The following BID variants were observed in gnomAD, a reference collection of about 807,000 sequenced individuals.
The protein encoded by BID is BH3 interacting domain death agonist, also known as BH3-interacting domain death agonist.
A neutral mutation model predicts 17.4 loss-of-function variants in BID; 19 were observed. The ratio of observed to expected loss-of-function variants is 1.09; its 90% confidence interval spans 0.76 to 1.60. BID has a LOEUF of 1.60. Among genes scored for constraint, BID ranks in the 40% most tolerant of loss-of-function variants. The pLI is 0.00. For synonymous variants in BID, 108 were observed against 102.8 expected (o/e 1.05, Z -0.31); for missense variants, 226 against 256.0 (o/e 0.88, Z 0.80).
In BID at chr22:17,739,366, T is replaced by A; in HGVS notation, c.346A>T (p.Thr116Ser). The change falls in exon 4 of 6, where the codon ACC becomes TCC. Residue 116 changes from threonine (T) to serine (S), a missense_variant. Physicochemically the swap from Thr to Ser is moderately conservative, Grantham distance 58. Transcript: ENST00000622694. The part of the protein sequence containing the change: ...VNGLALQLRN[T>S]SRSEEDRNRD... The stretch of plus-strand genomic sequence containing the variant: ...TCACTCACCTCCTCCGACCGGCTGG[T>A]GTTCCTGAGCTGCAGGGCCAGGCCG... 6.3e-7 allele frequency: 1 copy of A among 1,594,014 alleles called. No individual in the cohort carries two copies. Among genetic ancestry groups the A allele is most frequent in the Non-Finnish European group, 8.5e-7 (1 of 1,172,976 alleles).
chr22:17,737,740 TGAG>T (rs2061430070), intron 5 of BID, among the ~76,000 whole-genome samples: 1 of 152,190 alleles, frequency 6.6e-6, no homozygotes, highest in Non-Finnish European at 1.5e-5. Context: ...GCTTGTGCCT[TGAG>T]GACCCCACCA....
At chr22:17,749,963 G>A (rs1389571646) in intron 2 of BID, 142 bp downstream of exon 2, 2 of 766,464 alleles carry the variant, frequency 2.6e-6, no homozygotes, top group East Asian at 5.4e-5. Context: ...AAGGGGCTGG[G>A]CGGGGTTCGT....
At position 17,767,040 on chromosome 22, in the gene BID, A is replaced by C. The variant is rs558118396; in HGVS notation, c.-59+7341T>G. 4.3e-4 allele frequency among the ~76,000 whole-genome samples: 66 copies of C among 152,116 alleles called. No individual in the cohort carries two copies. In the East Asian group the frequency reaches 0.011, roughly 25 times the overall value. On this transcript the variant is annotated intron_variant, in intron 1 of 5. Coordinates refer to ENST00000622694, the MANE Select transcript of BID (RefSeq NM_001196.4). Reference sequence around the variant, plus strand: ...GGAGTTCGAGACCAGCCTGGCCAACATGGTGAAACCCCATCTCTACTAAAA... The same window carrying C: ...GGAGTTCGAGACCAGCCTGGCCAACCTGGTGAAACCCCATCTCTACTAAAA...
chr22:17,740,015 C>T (rs2061447612), intron 3 of BID: 1 of 1,509,606 alleles, frequency 6.6e-7, no homozygotes, highest in South Asian at 1.2e-5. Context: ...CCAACCAGAG[C>T]TCTCCCCCTT....
At chr22:17,770,840 G>T (rs756162898) in intron 1 of BID, among the ~76,000 whole-genome samples, 1 of 152,190 alleles carries the variant, frequency 6.6e-6, no homozygotes, top group Non-Finnish European at 1.5e-5. Flanking sequence ...ATAGAAGCGG[G>T]CTGAGCCACA....
chr22:17,740,207 G>C, intron 3 of BID: 1 of 1,594,556 alleles, frequency 6.3e-7, no homozygotes, highest in East Asian at 2.2e-5. Context: ...TAAGGGCTGT[G>C]ATTTTTTTAA....
chr22:17,748,586 T>C (rs2061513436), intron 2 of BID, among the ~76,000 whole-genome samples: 1 of 152,182 alleles, frequency 6.6e-6, no homozygotes, highest in Non-Finnish European at 1.5e-5. Flanking sequence ...AACCCTATAA[T>C]TGAAAAGAAA....
At chr22:17,763,335 C>A (rs1417573559) in intron 1 of BID, among the ~76,000 whole-genome samples, 3 of 151,926 alleles carry the variant, frequency 2.0e-5, no homozygotes, top group African/African-American at 4.8e-5. Flanking sequence ...CCTTCGTCTC[C>A]TGGGTTCAAG....
chr22:17,738,622 A>T (rs570460456), intron 4 of BID, among the ~76,000 whole-genome samples: 1 of 152,126 alleles, frequency 6.6e-6, no homozygotes, highest in Non-Finnish European at 1.5e-5. Context: ...CACTAGACAG[A>T]CTACAAGGCT....
In BID at chr22:17,738,144, A is replaced by G; in HGVS notation, c.449T>C (p.Val150Ala). The G allele has an allele frequency of 6.2e-7, 1 of 1,613,948 alleles. No homozygotes were observed. Among genetic ancestry groups the G allele is most frequent in the Non-Finnish European group, 8.5e-7 (1 of 1,180,036 alleles). The change falls in exon 5 of 6, where the codon GTG (valine) becomes GCG (alanine). Residue 150 changes from valine to alanine, a missense_variant. Physicochemically the swap from Val to Ala is moderately conservative, Grantham distance 64. Coordinates refer to ENST00000622694, the MANE Select transcript of BID (RefSeq NM_001196.4). Reference protein sequence around the residue: ...RDMEKEKTMLVLALLLAKKVA... With the variant: ...RDMEKEKTMLALALLLAKKVA... ...CTTCTTGGCCAGCAGCAGGGCCAGCACCAGCATGGTCTTCTCCTTCTCCAT... is the reference window on the plus strand; with the variant it reads ...CTTCTTGGCCAGCAGCAGGGCCAGCGCCAGCATGGTCTTCTCCTTCTCCAT...
intron 1 of BID, among the ~76,000 whole-genome samples, chr22:17,763,320 T>C (rs186656124): frequency 1.8e-4 from 27 of 152,044 alleles, no homozygotes; most frequent in Non-Finnish European, 3.8e-4. Context: ...CTTGGCTCAC[T>C]GCAACCTTCG....
chr22:17,748,026 C>T (rs1350426697), intron 2 of BID, among the ~76,000 whole-genome samples: 1 of 151,092 alleles, frequency 6.6e-6, no homozygotes, highest in Non-Finnish European at 1.5e-5. Context: ...CTGGCTAACA[C>T]GGTGAAACCC....
At chr22:17,754,523 A>G (rs1296992149) in intron 1 of BID, among the ~76,000 whole-genome samples, 4 of 152,238 alleles carry the variant, frequency 2.6e-5, no homozygotes, top group Admixed American at 2.6e-4. Flanking sequence ...TGTGCCTCCC[A>G]TGCACTCTGG....
At position 17,738,300 on chromosome 22, in the gene BID, A is replaced by G. The variant is rs2061434512; in HGVS notation, c.364-71T>C. 4.2e-6 allele frequency: 6 copies of G among 1,415,006 alleles called. No homozygotes were observed. The Admixed American group carries it at 7.3e-5, about 17-fold the overall frequency. The allele number at this position is 1,415,006 out of a possible 1,614,324, so 87.7% of individuals were successfully genotyped here. A position where few individuals can be genotyped will look rare whatever the true frequency, so the allele number is the denominator to read the frequency against. On this transcript the variant is annotated intron_variant, in intron 4 of 5. Transcript: ENST00000622694. ...TCTCAAAGGAAAGACAGTCCCCAGT[A>G]TGAAGAAGCACTTCAAAGTACTTAT...
intron 1 of BID, among the ~76,000 whole-genome samples, chr22:17,755,012 T>C (rs927643378): frequency 3.3e-5 from 5 of 152,060 alleles, no homozygotes; most frequent in Admixed American, 2.0e-4. Flanking sequence ...ATCGCCCACC[T>C]TGGCCTCCCA....
In BID at chr22:17,739,399, G is replaced by A; in HGVS notation, c.313C>T (p.Leu105=). Residue 105 remains leucine, a synonymous_variant, in exon 4 of 6, where the codon CTG becomes TTG. Transcript: ENST00000622694. The part of the protein sequence containing the change: ...DSMDRSIPPG[L]VNGLALQLRN... ...AGCTGCAGGGCCAGGCCGTTCACCA[G>A]GCCCGGAGGGATGCTACGGTCCATG... 2 of 1,610,310 alleles carry A rather than the reference G, an allele frequency of 1.2e-6. No homozygotes were observed. Among genetic ancestry groups the A allele is most frequent in the South Asian group, 1.1e-5 (1 of 90,998 alleles).
intron 1 of BID, among the ~76,000 whole-genome samples, chr22:17,759,261 A>G (rs1388958384): frequency 6.9e-6 from 1 of 144,490 alleles, no homozygotes; most frequent in Non-Finnish European, 1.5e-5. Context: ...AAAAAAAAAC[A>G]AAAGAACCAG....
chr22:17,764,841 T>C (rs1194912841), intron 1 of BID, among the ~76,000 whole-genome samples: 1 of 152,110 alleles, frequency 6.6e-6, no homozygotes, highest in Non-Finnish European at 1.5e-5. Context: ...GGAACTTTCA[T>C]CCCCAACCTG....
chr22:17,741,479 T>G (rs1223259774), intron 3 of BID, among the ~76,000 whole-genome samples: 2 of 150,352 alleles, frequency 1.3e-5, no homozygotes, highest in Non-Finnish European at 2.9e-5. Context: ...CTTTTTTTTT[T>G]CTTTTTTTTT....
Sources: allele counts gnomAD v4.1 joint callset (sites outside exome capture counted in the v4.1 genomes callset), GRCh38; gene constraint gnomAD v4.1.1; transcripts MANE v1.5; gene names NCBI Gene and HGNC (gene_info 2026-07-23, HGNC 2026-07-21).